The following TRIM69 variants were observed in gnomAD, a reference collection of about 807,000 sequenced individuals.
TRIM69 encodes the protein tripartite motif containing 69, also known as E3 ubiquitin-protein ligase TRIM69.
In TRIM69, 29 loss-of-function variants were observed where a neutral mutation model predicts 37.7. That is an observed-to-expected ratio of 0.77 (90% confidence interval 0.57 to 1.05). TRIM69 has a LOEUF of 1.05. Ranked by LOEUF, TRIM69 falls within the 50% of genes least tolerant of loss-of-function variation. The pLI is 0.00. For missense variants in TRIM69, 596 were observed against 579.9 expected (o/e 1.03, Z -0.28); for synonymous variants, 209 against 212.4 (o/e 0.98, Z 0.14).
chr15:44,739,687 A>G (rs2087239683), intron 1 of TRIM69, among the ~76,000 whole-genome samples: 1 of 152,048 alleles, frequency 6.6e-6, no homozygotes, highest in Non-Finnish European at 1.5e-5. Context: ...AGGGGCGCCC[A>G]CCATTGCCCA....
chr15:44,747,825 A>T (rs1490866548), intron 1 of TRIM69, among the ~76,000 whole-genome samples: 1 of 152,236 alleles, frequency 6.6e-6, no homozygotes, highest in Non-Finnish European at 1.5e-5. Context: ...GTTATTAATG[A>T]GAATGGAATT....
intron 6 of TRIM69, among the ~76,000 whole-genome samples, chr15:44,763,298 A>G (rs963963033): frequency 3.3e-5 from 5 of 152,110 alleles, no homozygotes; most frequent in Non-Finnish European, 7.4e-5. Flanking sequence ...AATTTGTTTG[A>G]TGTTTTCCTC....
chr15:44,745,071 A>G (rs1464444624), intron 1 of TRIM69, among the ~76,000 whole-genome samples: 1 of 2,040 alleles, frequency 4.9e-4, no homozygotes, highest in Non-Finnish European at 7.2e-3. Context: ...GTGCATACTA[A>G]AAAAAAAAAA....
At chr15:44,760,401 G>C (rs1447955100) in intron 6 of TRIM69, among the ~76,000 whole-genome samples, 1 of 151,996 alleles carries the variant, frequency 6.6e-6, no homozygotes, top group Non-Finnish European at 1.5e-5. Flanking sequence ...GACTGAGCAA[G>C]ATAAAATAAC....
chr15:44,767,232 C>G lies in TRIM69; in HGVS notation c.963C>G (p.Gly321=). 1 of 1,611,200 alleles carries G rather than the reference C, an allele frequency of 6.2e-7. No individual in the cohort carries two copies. Among genetic ancestry groups the G allele is most frequent in the Non-Finnish European group, 8.5e-7 (1 of 1,178,590 alleles). ...WREMQDTLCP[G]LSPLTLDPKT... is the part of the protein sequence containing the mutation. The stretch of plus-strand genomic sequence containing the variant: ...TGCTTTCTTTTATTTTCTTACTAGG[C>G]CTGTCTCCACTAACTCTGGACCCTA... Residue 321 remains glycine (G), a splice_region_variant and synonymous_variant, in exon 7 of 7, where the codon GGC becomes GGG. Coordinates refer to ENST00000329464, the MANE Select transcript of TRIM69 (RefSeq NM_182985.5).
At position 44,744,183 on chromosome 15, in the gene TRIM69, A is replaced by G. The variant is rs539130093; in HGVS notation, c.6+7473A>G. ...GACATGGATGAAATTGGAAATCATC[A>G]TTCTCAGTAAACTATTGCAAGGACA... On this transcript the variant is annotated intron_variant, in intron 1 of 6. Transcript: ENST00000329464. Among the ~76,000 whole-genome samples the G allele has an allele frequency of 1.1e-3, 171 of 150,740 alleles. 3 individuals carry two copies. In the East Asian group the frequency reaches 0.031, roughly 27 times the overall value.
intron 2 of TRIM69, among the ~76,000 whole-genome samples, chr15:44,755,760 G>T (rs1380604549): frequency 6.6e-6 from 1 of 152,134 alleles, no homozygotes; most frequent in Non-Finnish European, 1.5e-5. Context: ...GTTAAATTTT[G>T]TCACATTTGT....
rs768847299 is a variant in TRIM69 at position 44,758,732 on chromosome 15, G to T, written c.691G>T (p.Ala231Ser). The change falls in exon 4 of 7, where the codon GCC (alanine) becomes TCC (serine). Residue 231 changes from alanine to serine, a missense_variant. Transcript: ENST00000329464. ...AACTGAGCTCCGGGAAGAGGGGAAA[G>T]CCTTGAATGAGGAGATGGAGTTGAA... ...ILTELREEGK[A>S]LNEEMELNLS... The T allele has an allele frequency of 6.8e-6, 11 of 1,614,188 alleles. No individual in the cohort carries two copies. The highest frequency in any genetic ancestry group is 9.3e-6 in the Non-Finnish European group (11 of 1,180,022).
At chr15:44,747,527 A>G (rs962717852) in intron 1 of TRIM69, among the ~76,000 whole-genome samples, 1 of 152,238 alleles carries the variant, frequency 6.6e-6, no homozygotes, top group African/African-American at 2.4e-5. Flanking sequence ...GTTAGAAGAT[A>G]TGAAAAAGAA....
chr15:44,740,617 GA>G (rs1210424461), intron 1 of TRIM69, among the ~76,000 whole-genome samples: 1 of 152,056 alleles, frequency 6.6e-6, no homozygotes, highest in Non-Finnish European at 1.5e-5. Flanking sequence ...AAGGATGGAG[GA>G]AGATCTACCA....
intron 6 of TRIM69, among the ~76,000 whole-genome samples, chr15:44,761,610 G>A (rs557670236): frequency 7.2e-5 from 11 of 152,260 alleles, no homozygotes; most frequent in South Asian, 2.1e-4. Context: ...AATTACAGGC[G>A]CGCACTGCCA....
intron 6 of TRIM69, among the ~76,000 whole-genome samples, chr15:44,765,799 G>C (rs2087875818): frequency 1.3e-5 from 2 of 151,592 alleles, no homozygotes; most frequent in Admixed American, 1.3e-4. Context: ...AAAAAACAGA[G>C]AGAGAGAAAC....
chr15:44,765,534 G>C (rs988654452), intron 6 of TRIM69, among the ~76,000 whole-genome samples: 1 of 152,132 alleles, frequency 6.6e-6, no homozygotes, highest in Non-Finnish European at 1.5e-5. Context: ...AGAAGATAGA[G>C]TTAGACTAGA....
chr15:44,743,386 T>A (rs1167787669), intron 1 of TRIM69, among the ~76,000 whole-genome samples: 1 of 152,170 alleles, frequency 6.6e-6, no homozygotes, highest in African/African-American at 2.4e-5. Flanking sequence ...GGCATTACCA[T>A]TCAGGACATA....
At chr15:44,761,005 C>A (rs2087763141) in intron 6 of TRIM69, among the ~76,000 whole-genome samples, 1 of 151,884 alleles carries the variant, frequency 6.6e-6, no homozygotes, top group Admixed American at 6.6e-5. Context: ...GCAAGCTCTG[C>A]CTCCAGGGTT....
intron 1 of TRIM69, among the ~76,000 whole-genome samples, chr15:44,750,094 A>C (rs778501963): frequency 6.6e-6 from 1 of 152,124 alleles, no homozygotes; most frequent in Non-Finnish European, 1.5e-5. Flanking sequence ...TTTGCTATTG[A>C]GTTGTAAGAG....
chr15:44,755,513 T>A (rs1025586476), intron 2 of TRIM69, 137 bp downstream of exon 2: 1 of 692,210 alleles, frequency 1.4e-6, no homozygotes, highest in Non-Finnish European at 2.4e-6. Context: ...AAGTACAACG[T>A]ATCTTGCAAA....
At chr15:44,761,140 G>A (rs2087766889) in intron 6 of TRIM69, among the ~76,000 whole-genome samples, 2 of 152,110 alleles carry the variant, frequency 1.3e-5, no homozygotes, top group African/African-American at 4.8e-5. Flanking sequence ...GGATGGTCTC[G>A]ATCTCCTGAC....
At chr15:44,747,517 G>A (rs1410582431) in intron 1 of TRIM69, among the ~76,000 whole-genome samples, 1 of 152,142 alleles carries the variant, frequency 6.6e-6, no homozygotes, top group Non-Finnish European at 1.5e-5. Flanking sequence ...AAGTTATGGA[G>A]TTAGAAGATA....
Sources: gnomAD v4.1 joint callset for allele counts (sites outside exome capture counted in the v4.1 genomes callset) on GRCh38, gnomAD v4.1.1 for gene constraint, MANE v1.5 for transcripts, NCBI Gene and HGNC (gene_info 2026-07-23, HGNC 2026-07-21) for gene names.